The following PSTPIP2 variants were observed in gnomAD, a reference collection of about 807,000 sequenced individuals.
The protein encoded by PSTPIP2 is proline-serine-threonine phosphatase interacting protein 2, also known as proline-serine-threonine phosphatase-interacting protein 2.
In PSTPIP2, 33 loss-of-function variants were observed where a neutral mutation model predicts 63.3. That is an observed-to-expected ratio of 0.52 (90% CI 0.40 to 0.70). The LOEUF (loss-of-function observed/expected upper bound fraction) is 0.70, where lower values mean the gene tolerates loss of function less well. Among genes scored for constraint, PSTPIP2 ranks in the 30% least tolerant of loss-of-function variants. The pLI is 0.00. For synonymous variants in PSTPIP2, 125 were observed against 132.7 expected, an observed-to-expected ratio of 0.94 and a Z score of 0.40; for missense variants, 312 against 400.7, an observed-to-expected ratio of 0.78 and a Z score of 1.89.
chr18:46,049,007 CATGTGTGTGT>C (rs1260697052), intron 1 of PSTPIP2, among the ~76,000 whole-genome samples: 77 of 93,408 alleles, frequency 8.2e-4, no homozygotes, highest in African/African-American at 2.6e-3. Flanking sequence ...AGAAAAAAAG[CATGTGTGTGT>C]GTGTGTGTGT....
chr18:46,061,258 T>G (rs534725813), intron 1 of PSTPIP2, among the ~76,000 whole-genome samples: 13 of 150,312 alleles, frequency 8.6e-5, no homozygotes, highest in Non-Finnish European at 1.8e-4. Context: ...GAGCCAAGAT[T>G]GCACCACTGC....
At chr18:46,019,886 A>C (rs983382015) in intron 3 of PSTPIP2, among the ~76,000 whole-genome samples, 1 of 152,214 alleles carries the variant, frequency 6.6e-6, no homozygotes, top group African/African-American at 2.4e-5. Context: ...CTCTTCAGTG[A>C]TGCTTATTTG....
At chr18:45,992,749 G>A (rs945988658) in intron 10 of PSTPIP2, among the ~76,000 whole-genome samples, 1 of 145,466 alleles carries the variant, frequency 6.9e-6, no homozygotes. Context: ...ACAGAGTCTC[G>A]CTCTGTCACC....
At chr18:46,009,286 A>G (rs1249728951) in intron 5 of PSTPIP2, among the ~76,000 whole-genome samples, 1 of 150,916 alleles carries the variant, frequency 6.6e-6, no homozygotes, top group Admixed American at 6.6e-5. Flanking sequence ...CAAGAAGTGA[A>G]AGACCAAAGC....
intron 10 of PSTPIP2, among the ~76,000 whole-genome samples, chr18:45,992,562 CAA>C (rs34243282): frequency 8.0e-6 from 1 of 124,678 alleles, no homozygotes; most frequent in Non-Finnish European, 1.7e-5. Flanking sequence ...GACTCCGTCT[CAA>C]AAAAAAAAAC....
In PSTPIP2 at chr18:46,072,221, G is replaced by C. The variant is rs1452932372; in HGVS notation, c.-33C>G. On this transcript the variant is annotated 5_prime_UTR_variant, in exon 1 of 15. Coordinates refer to ENST00000409746, the MANE Select transcript of PSTPIP2 (RefSeq NM_024430.4). ...CGAGTGGGGGCGCGGAGGAGAGCCG[G>C]GCCGCAGGTAGCACAGAGCGGGGAG... The C allele has an allele frequency of 6.5e-7, 1 of 1,530,436 alleles. No homozygotes were observed. Among genetic ancestry groups the C allele is most frequent in the Non-Finnish European group, 8.8e-7 (1 of 1,138,796 alleles). 94.8% of individuals were successfully genotyped at this position (1,530,436 alleles called of 1,614,324 possible). A position where few individuals can be genotyped will look rare whatever the true frequency, so the allele number is the denominator to read the frequency against.
chr18:46,019,877 T>C (rs1907283464), intron 3 of PSTPIP2, among the ~76,000 whole-genome samples: 1 of 152,096 alleles, frequency 6.6e-6, no homozygotes, highest in African/African-American at 2.4e-5. Context: ...ATAAATCCAC[T>C]CTTCAGTGAT....
chr18:45,985,541 G>A (rs2051458217), intron 14 of PSTPIP2, 91 bp from the exon 15 acceptor site: 2 of 1,389,338 alleles, frequency 1.4e-6, no homozygotes, highest in South Asian at 2.5e-5. Context: ...CAAGAATAAG[G>A]GTGCAGGCCA....
chr18:46,060,346 T>C (rs1908945902), intron 1 of PSTPIP2, among the ~76,000 whole-genome samples: 1 of 152,218 alleles, frequency 6.6e-6, no homozygotes, highest in African/African-American at 2.4e-5. Flanking sequence ...AACTAGTCTG[T>C]GGATATACTA....
chr18:46,030,776 T>C (rs181396156), intron 2 of PSTPIP2, among the ~76,000 whole-genome samples: 68 of 152,350 alleles, frequency 4.5e-4, no homozygotes, highest in African/African-American at 1.6e-3. Context: ...GACTTTATAT[T>C]GGACTGACAA....
At chr18:46,053,210 G>T (rs1287059317) in intron 1 of PSTPIP2, among the ~76,000 whole-genome samples, 1 of 152,014 alleles carries the variant, frequency 6.6e-6, no homozygotes, top group African/African-American at 2.4e-5. Flanking sequence ...CTGACATTTT[G>T]TGTTGTCCTT....
At chr18:46,008,957 G>C (rs1052719410) in intron 5 of PSTPIP2, among the ~76,000 whole-genome samples, 2 of 151,936 alleles carry the variant, frequency 1.3e-5, no homozygotes, top group Admixed American at 1.3e-4. Context: ...CCTTCTTTTG[G>C]GAGGCCTTCC....
chr18:46,041,829 T>C (rs532282134), intron 1 of PSTPIP2, among the ~76,000 whole-genome samples: 1 of 152,240 alleles, frequency 6.6e-6, no homozygotes, highest in Non-Finnish European at 1.5e-5. Flanking sequence ...CTGGGGAGTT[T>C]TGAACTCATC....
chr18:45,993,567 A>G, intron 10 of PSTPIP2, 38 bp downstream of exon 10: 1 of 1,559,670 alleles, frequency 6.4e-7, no homozygotes, highest in Non-Finnish European at 8.8e-7. Flanking sequence ...TGTATCCAAC[A>G]TGCACACGAC....
At chr18:46,032,754 C>CAAAAAAAAAAAAAAAAAAAAAAAA (rs762015034) in intron 2 of PSTPIP2, among the ~76,000 whole-genome samples, 1 of 50,158 alleles carries the variant, frequency 2.0e-5, no homozygotes, top group African/African-American at 6.0e-5. Context: ...AACTCTGTGT[C>CAAAAAAAAAAAAAAAAAAAAAAAA]AAAAAAAAAA....
In PSTPIP2 at chr18:45,997,764, G is replaced by A. The variant is rs775757071; in HGVS notation, c.627C>T (p.His209=). Residue 209 remains histidine, a synonymous_variant, in exon 9 of 15, where the codon CAC becomes CAT. Coordinates refer to ENST00000409746, the MANE Select transcript of PSTPIP2 (RefSeq NM_024430.4). ...TTACGGGTACCTCGCAGGCCTTGAT[G>A]TGCTCACTCTGCCACTCTTCTCGGA... ...DKVREEWQSE[H]IKACEAFEAQ... is the part of the protein sequence containing the mutation. 2.0e-5 allele frequency: 32 copies of A among 1,571,670 alleles called. No individual in the cohort carries two copies. In the East Asian group the frequency reaches 6.8e-4, roughly 33 times the overall value.
At chr18:46,016,024 C>T in intron 3 of PSTPIP2, 87 bp from the exon 4 acceptor site, 1 of 1,458,880 alleles carries the variant, frequency 6.9e-7, no homozygotes, top group Non-Finnish European at 9.4e-7. Context: ...TTCTCTCTGC[C>T]CATATCTTAA....
At chr18:45,987,815 C>A (rs1360200700) in intron 14 of PSTPIP2, among the ~76,000 whole-genome samples, 1 of 152,130 alleles carries the variant, frequency 6.6e-6, no homozygotes, top group African/African-American at 2.4e-5. Flanking sequence ...ATGTTCCAAG[C>A]ACCTGAGTGC....
chr18:46,024,415 G>A (rs574085483), intron 3 of PSTPIP2, among the ~76,000 whole-genome samples, 194 bp downstream of exon 3: 1 of 152,280 alleles, frequency 6.6e-6, no homozygotes, highest in Admixed American at 6.5e-5. Context: ...TGGGGTTAGA[G>A]GCATGAGCCA....
Sources: allele counts gnomAD v4.1 joint callset (sites outside exome capture counted in the v4.1 genomes callset), GRCh38; gene constraint gnomAD v4.1.1; transcripts MANE v1.5; gene names NCBI Gene and HGNC (gene_info 2026-07-23, HGNC 2026-07-21).